CBFA2T3: variants seen among roughly 807,000 people sequenced by gnomAD.
CBFA2T3 encodes the protein transcriptional corepressor CBFA2T3.
CBFA2T3 carries 31 observed loss-of-function variants against 58.6 expected under a neutral mutation model. That is an observed-to-expected ratio of 0.53 (90% confidence interval 0.40 to 0.71). The LOEUF is 0.71. Ranked by LOEUF, CBFA2T3 falls within the 30% of genes least tolerant of loss-of-function variation. The probability of loss-of-function intolerance (pLI) is 0.00; values close to 1 mark genes in which losing one functional copy is unlikely to be tolerated. For synonymous variants in CBFA2T3, 531 were observed against 421.9 expected, an observed-to-expected ratio of 1.26 and a Z score of -3.17; for missense variants, 1,076 against 963.1, an observed-to-expected ratio of 1.12 and a Z score of -1.55.
At position 88,976,763 on chromosome 16, in the gene CBFA2T3, C is replaced by A; in HGVS notation, c.45G>T (p.Ser15=). 1 of 1,556,832 alleles carries A rather than the reference C, an allele frequency of 6.4e-7. No individual in the cohort carries two copies. Among genetic ancestry groups the A allele is most frequent in the East Asian group, 2.4e-5 (1 of 41,914 alleles). ...GGGACATGGAGCCACAGGTGGATCC[C>A]GAGGCTGAACTGGCTGCCCTGTCCC... ...RLRDRAASSA[S]GSTCGSMSQT... is the part of the protein sequence containing the mutation. The change falls in exon 1 of 12, where the codon TCG becomes TCT. Residue 15 remains serine (S), a synonymous_variant. Coordinates refer to ENST00000268679, the MANE Select transcript of CBFA2T3 (RefSeq NM_005187.6).
rs149872706 is a variant in CBFA2T3, at chr16:88,929,539, C to T, written c.152-27883G>A. Among the ~76,000 whole-genome samples, 778 of 152,382 alleles carry T rather than the reference C, an allele frequency of 5.1e-3. 7 individuals carry two copies. Among genetic ancestry groups the T allele is most frequent in the African/African-American group, 0.018 (733 of 41,588 alleles). ...TTCATCCACACAAAAGCTACCGATACCCACAGCTGCATGGTCCACGCAAAA... is the reference window on the plus strand; with the variant it reads ...TTCATCCACACAAAAGCTACCGATATCCACAGCTGCATGGTCCACGCAAAA... On this transcript the variant is annotated intron_variant, in intron 1 of 11. Transcript: ENST00000268679.
Position 88,876,927 on chromosome 16 carries a change from G to A in CBFA2T3, c.*49C>T. ...CACAGCATCCGGTGGGCCTGGAGCT[G>A]GGTGGGGTTGGCACGGTGCTGTGTC... On this transcript the variant is annotated 3_prime_UTR_variant, in exon 12 of 12. Coordinates refer to ENST00000268679, the MANE Select transcript of CBFA2T3 (RefSeq NM_005187.6). The A allele has an allele frequency of 1.5e-6, 2 of 1,326,616 alleles. No homozygotes were observed. The highest frequency in any genetic ancestry group is 2.0e-6 in the Non-Finnish European group (2 of 1,021,218). 82.2% of individuals were successfully genotyped at this position (1,326,616 alleles called of 1,614,324 possible). A position where few individuals can be genotyped will look rare whatever the true frequency, so the allele number is the denominator to read the frequency against.
chr16:88,971,141 CCTCT>C (rs1972645849), intron 1 of CBFA2T3, among the ~76,000 whole-genome samples: 1 of 152,086 alleles, frequency 6.6e-6, no homozygotes, highest in Non-Finnish European at 1.5e-5. Flanking sequence ...ACACGGTCTC[CCTCT>C]GTCATCCAGG....
rs569947288 is a variant in CBFA2T3, at chr16:88,885,517, G to A, written c.894-248C>T. Among the ~76,000 whole-genome samples the A allele has an allele frequency of 6.6e-6, 1 of 152,164 alleles. No individual in the cohort carries two copies. Among genetic ancestry groups the A allele is most frequent in the Non-Finnish European group, 1.5e-5 (1 of 68,002 alleles). ...CTGCATGGCATCCTGGGGCCTGGTG[G>A]TCAAAGAGCCGGACTCGCTGCTCTG... On this transcript the variant is annotated intron_variant, in intron 6 of 11. Coordinates refer to ENST00000268679, the MANE Select transcript of CBFA2T3 (RefSeq NM_005187.6). This position sits in a 1 kb window ranked among gnomAD's most constrained non-coding sequence, Gnocchi z 5.3.
At chr16:88,923,601 G>C (rs1020000142) in intron 1 of CBFA2T3, among the ~76,000 whole-genome samples, 1 of 152,280 alleles carries the variant, frequency 6.6e-6, no homozygotes, top group African/African-American at 2.4e-5. Flanking sequence ...GCTGGGTTGT[G>C]AAGGGGCTGC....
rs553151073 is a variant in CBFA2T3 at position 88,876,463 on chromosome 16, C to T, written c.*513G>A. 2 of 231,966 alleles carry T rather than the reference C, an allele frequency of 8.6e-6. No individual in the cohort carries two copies. The highest frequency in any genetic ancestry group is 3.6e-4 in the South Asian group (2 of 5,520). The allele number at this position is 231,966 out of a possible 1,614,324, so 14.4% of individuals were successfully genotyped here. A position where few individuals can be genotyped will look rare whatever the true frequency, so the allele number is the denominator to read the frequency against. Reference sequence around the variant, plus strand: ...TTTTAATCAGGAGGGGGAGAACCCCCCCGTTTTCTTTGTCCATTTCTGAGT... The same window carrying T: ...TTTTAATCAGGAGGGGGAGAACCCCTCCGTTTTCTTTGTCCATTTCTGAGT... On this transcript the variant is annotated 3_prime_UTR_variant, in exon 12 of 12. Coordinates refer to ENST00000268679, the MANE Select transcript of CBFA2T3 (RefSeq NM_005187.6).
In CBFA2T3 at chr16:88,884,543, G is replaced by A. The variant is rs148381184; in HGVS notation, c.1117+503C>T. The A allele has an allele frequency of 5.8e-3, 888 of 153,698 alleles. 2 individuals are homozygous for A. Among genetic ancestry groups the A allele is most frequent in the Admixed American group, 0.011 (164 of 15,330 alleles). 9.5% of individuals were successfully genotyped at this position (153,698 alleles called of 1,614,324 possible). On this transcript the variant is annotated intron_variant, in intron 7 of 11. Coordinates refer to ENST00000268679, the MANE Select transcript of CBFA2T3 (RefSeq NM_005187.6). ...AAACGAGTGAAGGATAAAATGCACC[G>A]AGACTCCGTGCCCACCTCTCTGTTA...
intron 1 of CBFA2T3, among the ~76,000 whole-genome samples, chr16:88,972,351 C>G (rs560401377): frequency 1.1e-3 from 173 of 152,264 alleles, no homozygotes; most frequent in East Asian, 2.7e-3. Context: ...GGGAGTCAGG[C>G]TTTGTCCCAC....
At chr16:88,903,477 G>A (rs884968) in intron 1 of CBFA2T3, among the ~76,000 whole-genome samples, 1 of 152,158 alleles carries the variant, frequency 6.6e-6, no homozygotes, top group South Asian at 2.1e-4. Context: ...GACCTCCCTC[G>A]CACAGGGCGC....
intron 5 of CBFA2T3, among the ~76,000 whole-genome samples, chr16:88,890,780 G>A (rs557308546): frequency 1.3e-5 from 2 of 152,270 alleles, no homozygotes; most frequent in East Asian, 1.9e-4. Context: ...GCAGTGGCGT[G>A]ATCACAGCTC....
At position 88,880,761 on chromosome 16, in the gene CBFA2T3, G is replaced by T; in HGVS notation, c.1430C>A (p.Thr477Asn). The T allele has an allele frequency of 1.3e-6, 2 of 1,584,284 alleles. No individual in the cohort carries two copies. Among genetic ancestry groups the T allele is most frequent in the East Asian group, 2.3e-5 (1 of 43,374 alleles). ...GTCCTCAGGCACGTAGCCGGTGAGGGTCCTCGGCAGGAACTCGCGAGGCAC... is the reference window on the plus strand; with the variant it reads ...GTCCTCAGGCACGTAGCCGGTGAGGTTCCTCGGCAGGAACTCGCGAGGCAC... Reference protein sequence around the residue: ...LDVPREFLPRTLTGYVPEDIW... With the variant: ...LDVPREFLPRNLTGYVPEDIW... Residue 477 changes from threonine (T) to asparagine (N), a missense_variant, in exon 10 of 12, where the codon ACC (threonine) becomes AAC (asparagine). Transcript: ENST00000268679.
chr16:88,963,831 A>G (rs1972427826), intron 1 of CBFA2T3, among the ~76,000 whole-genome samples: 1 of 152,208 alleles, frequency 6.6e-6, no homozygotes, highest in South Asian at 2.1e-4. Context: ...GAATGCAGGG[A>G]GGCTCGGGTC....
At chr16:88,883,069 G>A (rs1029460168) in intron 7 of CBFA2T3, among the ~76,000 whole-genome samples, 2 of 152,224 alleles carry the variant, frequency 1.3e-5, no homozygotes, top group Non-Finnish European at 2.9e-5. Flanking sequence ...GTTTGCCTGT[G>A]GTCACCAGGC....
chr16:88,925,303 C>A (rs76780781), intron 1 of CBFA2T3, among the ~76,000 whole-genome samples: 1 of 152,164 alleles, frequency 6.6e-6, no homozygotes, highest in African/African-American at 2.4e-5. Context: ...GGGAGACCCA[C>A]AAGGGGCCTG....
At chr16:88,882,451 G>A (rs1446193292) in intron 8 of CBFA2T3, among the ~76,000 whole-genome samples, 1 of 149,918 alleles carries the variant, frequency 6.7e-6, no homozygotes, top group African/African-American at 2.4e-5. Flanking sequence ...CTGTGTGCGT[G>A]GGCGTGGCTG....
intron 5 of CBFA2T3, among the ~76,000 whole-genome samples, chr16:88,888,267 G>A (rs575812128): frequency 7.4e-4 from 112 of 150,596 alleles, no homozygotes; most frequent in Non-Finnish European, 1.4e-3. Flanking sequence ...CTGCGTGAGA[G>A]TACCCCAGAC....
chr16:88,910,913 C>G (rs1018794275), intron 1 of CBFA2T3, among the ~76,000 whole-genome samples: 4 of 151,388 alleles, frequency 2.6e-5, no homozygotes, highest in African/African-American at 9.7e-5. Flanking sequence ...CAGGGCTGTG[C>G]CAAGTGTGGG....
At chr16:88,879,527 C>T (rs543192475) in intron 10 of CBFA2T3, 67 bp from the exon 11 acceptor site, 270 of 1,449,832 alleles carry the variant, frequency 1.9e-4, no homozygotes, top group East Asian at 8.1e-4. Flanking sequence ...GGACTTCCTA[C>T]GCGTGGCCAC....
intron 1 of CBFA2T3, among the ~76,000 whole-genome samples, chr16:88,924,180 G>T (rs1225235704): frequency 2.0e-5 from 3 of 152,176 alleles, no homozygotes; most frequent in African/African-American, 4.8e-5. Context: ...TACCCTGGAG[G>T]GGCTACACCT....
Sources: gnomAD v4.1 joint callset for allele counts (sites outside exome capture counted in the v4.1 genomes callset) on GRCh38, gnomAD v4.1.1 for gene constraint, Gnocchi (gnomAD v3.1) non-coding constraint, MANE v1.5 for transcripts, NCBI Gene and HGNC (gene_info 2026-07-23, HGNC 2026-07-21) for gene names.